Variants in CLTCL1 observed in about 807,000 individuals in gnomAD.
The protein encoded by CLTCL1 is clathrin heavy chain 2.
Under a neutral mutation model 190.0 loss-of-function variants are expected in CLTCL1, and 159 were observed. That is an observed-to-expected ratio of 0.84 (90% CI 0.74 to 0.95). The LOEUF (loss-of-function observed/expected upper bound fraction) is 0.95, where lower values mean the gene tolerates loss of function less well. Among genes scored for constraint, CLTCL1 ranks in the 40% least tolerant of loss-of-function variants. CLTCL1 has a pLI of 0.00. For missense variants in CLTCL1, 1,878 were observed against 2,033.4 expected, an observed-to-expected ratio of 0.92 and a Z score of 1.47; for synonymous variants, 752 against 769.6, an observed-to-expected ratio of 0.98 and a Z score of 0.38.
intron 2 of CLTCL1, chr22:19,257,789 C>T: frequency 7.0e-7 from 1 of 1,426,194 alleles, no homozygotes; most frequent in Non-Finnish European, 9.4e-7. Context: ...GCCTGAACGA[C>T]CACCTGGCCT....
In CLTCL1 at chr22:19,268,732, C is replaced by G. The variant is rs563834710; in HGVS notation, c.250+6891G>C. ...CATGGATGTGTGGAGAAACTGGCATCCTCATACATTGCTGATGGGTACATA... is the reference window on the plus strand; with the variant it reads ...CATGGATGTGTGGAGAAACTGGCATGCTCATACATTGCTGATGGGTACATA... On this transcript the variant is annotated intron_variant, in intron 2 of 32. Coordinates refer to ENST00000427926, the MANE Select transcript of CLTCL1 (RefSeq NM_007098.4). 3.3e-5 allele frequency among the ~76,000 whole-genome samples: 5 copies of G among 152,250 alleles called. No homozygotes were observed. In the East Asian group the frequency reaches 9.6e-4, roughly 29 times the overall value.
chr22:19,187,875 G>T, intron 28 of CLTCL1, 106 bp downstream of exon 28: 1 of 1,328,928 alleles, frequency 7.5e-7, no homozygotes, highest in Non-Finnish European at 1.1e-6. Context: ...GTCCTGTGGG[G>T]CCTGCACACC....
chr22:19,191,184 G>T, intron 27 of CLTCL1, 120 bp downstream of exon 27: 1 of 1,175,050 alleles, frequency 8.5e-7, no homozygotes, highest in Non-Finnish European at 1.2e-6. Context: ...TGATACACTG[G>T]TGAATCTTCA....
At chr22:19,225,325 A>T (rs1296373942) in intron 13 of CLTCL1, 128 bp downstream of exon 13, 1 of 942,148 alleles carries the variant, frequency 1.1e-6, no homozygotes, top group Non-Finnish European at 1.6e-6. Flanking sequence ...CTGAGCACCC[A>T]AGGCAGCCAG....
chr22:19,188,820 G>C (rs1272752003), intron 27 of CLTCL1, among the ~76,000 whole-genome samples: 1 of 151,796 alleles, frequency 6.6e-6, no homozygotes, highest in Non-Finnish European at 1.5e-5. Context: ...CACCATATTG[G>C]TCAGGCTAAG....
At chr22:19,240,218 C>A (rs1316768231) in intron 4 of CLTCL1, among the ~76,000 whole-genome samples, 2 of 152,110 alleles carry the variant, frequency 1.3e-5, no homozygotes, top group African/African-American at 4.8e-5. Flanking sequence ...CCACCTCGGC[C>A]TCCCAAAATG....
rs1318543534 is a variant in CLTCL1, at chr22:19,225,062, G to A, written c.2128+391C>T. On this transcript the variant is annotated intron_variant, in intron 13 of 32. Transcript: ENST00000427926. ...ACCACAAAGCAATGCACCCTCTATC[G>A]TGGGCTCTCATTTAGGAGAGGCCCA... Among the ~76,000 whole-genome samples, 7 of 152,156 alleles carry A rather than the reference G, an allele frequency of 4.6e-5. No individual in the cohort carries two copies. In the East Asian group the frequency reaches 9.6e-4, roughly 21 times the overall value.
In CLTCL1 at chr22:19,208,019, C is replaced by T. The variant is rs184157674; in HGVS notation, c.3600+135G>A. On this transcript the variant is annotated intron_variant, in intron 22 of 32. Coordinates refer to ENST00000427926, the MANE Select transcript of CLTCL1 (RefSeq NM_007098.4). ...ACTTGAATCATCCCCAAACCACCCC[C>T]GACCTGTCTGTGGAAAAACTGTCTT... The T allele has an allele frequency of 8.9e-6, 9 of 1,010,256 alleles. No individual in the cohort carries two copies. The Admixed American group carries it at 1.2e-4, about 13-fold the overall frequency. The allele number at this position is 1,010,256 out of a possible 1,614,324, so 62.6% of individuals were successfully genotyped here.
intron 2 of CLTCL1, among the ~76,000 whole-genome samples, chr22:19,269,839 A>G (rs1275644651): frequency 6.6e-6 from 1 of 152,164 alleles, no homozygotes; most frequent in African/African-American, 2.4e-5. Flanking sequence ...TGCAGGGCTT[A>G]AAACCTAGAG....
At chr22:19,261,458 T>G (rs1242029753) in intron 2 of CLTCL1, among the ~76,000 whole-genome samples, 1 of 152,194 alleles carries the variant, frequency 6.6e-6, no homozygotes, top group African/African-American at 2.4e-5. Flanking sequence ...ATGTCTCCTT[T>G]GATGGATCTA....
At chr22:19,190,259 T>G (rs569058192) in intron 27 of CLTCL1, among the ~76,000 whole-genome samples, 1 of 152,254 alleles carries the variant, frequency 6.6e-6, no homozygotes, top group South Asian at 2.1e-4. Flanking sequence ...TTCCCGGCCA[T>G]TAATTAGCCT....
intron 29 of CLTCL1, 49 bp downstream of exon 29, chr22:19,187,509 A>G: frequency 1.3e-6 from 2 of 1,579,094 alleles, no homozygotes; most frequent in African/African-American, 2.7e-5. Flanking sequence ...AGCCATCAGG[A>G]AACACACCAA....
chr22:19,291,495 G>T, intron 1 of CLTCL1, 105 bp downstream of exon 1: 1 of 1,099,816 alleles, frequency 9.1e-7, no homozygotes. Flanking sequence ...GGCGCGGCCA[G>T]CTGGGCAGCG....
chr22:19,277,102 A>G (rs5746711), intron 1 of CLTCL1, among the ~76,000 whole-genome samples: 2,491 of 152,334 alleles, frequency 0.016, 46 homozygotes, highest in East Asian at 0.066. Flanking sequence ...GGACCGCTGC[A>G]TTAAAATTGC....
chr22:19,212,432 T>C (rs1460093254), intron 19 of CLTCL1, among the ~76,000 whole-genome samples: 3 of 148,488 alleles, frequency 2.0e-5, no homozygotes, highest in Non-Finnish European at 4.4e-5. Context: ...CCAGGCATGA[T>C]GGTGCACACC....
intron 3 of CLTCL1, chr22:19,249,922 G>A: frequency 2.3e-6 from 1 of 435,900 alleles, no homozygotes; most frequent in Non-Finnish European, 4.6e-6. Flanking sequence ...CTGATGGTAT[G>A]CTAAGGTTTT....
chr22:19,215,145 C>T (rs1341124127), intron 19 of CLTCL1, among the ~76,000 whole-genome samples: 3 of 152,228 alleles, frequency 2.0e-5, no homozygotes, highest in African/African-American at 7.2e-5. Flanking sequence ...GACAGCAAGA[C>T]AGAATATCGT....
chr22:19,263,394 G>T (rs187455427), intron 2 of CLTCL1, among the ~76,000 whole-genome samples: 1 of 151,754 alleles, frequency 6.6e-6, no homozygotes, highest in East Asian at 1.9e-4. Context: ...ACCATGCCTG[G>T]CCATAAATTA....
chr22:19,254,223 C>T lies in CLTCL1; in HGVS notation c.255G>A (p.Gly85=). ...CAATATTAAAGATCTGAAGTGTCTT[C>T]CCAGCTAGTATTTGATATAATAGAG... is the stretch of plus-strand genomic sequence containing the variant. ...PASKVIALKA[G]KTLQIFNIEM... is the part of the protein sequence containing the mutation. The change falls in exon 3 of 33, where the codon GGG becomes GGA. Residue 85 remains glycine, a synonymous_variant. Transcript: ENST00000427926. 1 of 1,609,116 alleles carries T rather than the reference C, an allele frequency of 6.2e-7. No homozygotes were observed. The highest frequency in any genetic ancestry group is 1.1e-5 in the South Asian group (1 of 90,974).
Sources: allele counts gnomAD v4.1 joint callset (sites outside exome capture counted in the v4.1 genomes callset), GRCh38; gene constraint gnomAD v4.1.1; transcripts MANE v1.5; gene names NCBI Gene and HGNC (gene_info 2026-07-23, HGNC 2026-07-21).